Variants in IRAG1 observed in about 807,000 individuals in gnomAD.
IRAG1 encodes inositol 1,4,5-triphosphate receptor associated 1.
IRAG1 carries 62 observed loss-of-function variants against 106.2 expected under a neutral mutation model. The ratio of observed to expected loss-of-function variants is 0.58; its 90% confidence interval spans 0.48 to 0.72. The LOEUF is 0.72. IRAG1 is among the 30% of genes least tolerant of loss of function. IRAG1 has a pLI of 0.00. For missense variants in IRAG1, 1,064 were observed against 1,140.7 expected, an observed-to-expected ratio of 0.93 and a Z score of 0.97; for synonymous variants, 462 against 443.9, an observed-to-expected ratio of 1.04 and a Z score of -0.51.
chr11:10,691,188 C>T (rs112636343), intron 1 of IRAG1, among the ~76,000 whole-genome samples: 54 of 152,260 alleles, frequency 3.5e-4, no homozygotes, highest in African/African-American at 1.2e-3. Flanking sequence ...AACCCAGGGC[C>T]CTGTGTAACC....
intron 1 of IRAG1, among the ~76,000 whole-genome samples, chr11:10,685,561 C>T (rs574435072): frequency 3.3e-5 from 5 of 150,580 alleles, no homozygotes; most frequent in African/African-American, 5.0e-5. Context: ...AACAAAAAAA[C>T]GTTTAAAACA....
chr11:10,667,959 T>G (rs1859913590), intron 1 of IRAG1, among the ~76,000 whole-genome samples: 1 of 152,206 alleles, frequency 6.6e-6, no homozygotes, highest in Non-Finnish European at 1.5e-5. Context: ...CTTTCTGCTC[T>G]GAGACTGCCA....
At chr11:10,623,963 G>C in intron 9 of IRAG1, 107 bp from the exon 10 acceptor site, 1 of 1,030,116 alleles carries the variant, frequency 9.7e-7, no homozygotes. Flanking sequence ...GTGGGAAAGC[G>C]GGGCAGCCTG....
intron 10 of IRAG1, 81 bp downstream of exon 10, chr11:10,623,696 TG>T: frequency 7.9e-7 from 1 of 1,269,464 alleles, no homozygotes; most frequent in South Asian, 1.2e-5. Flanking sequence ...CAGGAAGTCT[TG>T]TGTTTACACA....
chr11:10,631,895 C>T (rs77974559), intron 4 of IRAG1, 96 bp downstream of exon 4: 50 of 954,670 alleles, frequency 5.2e-5, no homozygotes, highest in Non-Finnish European at 6.9e-5. Flanking sequence ...CGGGAGGGAG[C>T]GCCTTAAAGA....
At chr11:10,648,717 TG>T (rs2134854590) in intron 2 of IRAG1, among the ~76,000 whole-genome samples, 1 of 152,258 alleles carries the variant, frequency 6.6e-6, no homozygotes, top group Admixed American at 6.5e-5. Context: ...AGTGCATTGT[TG>T]GGGGGCTTTT....
intron 11 of IRAG1, among the ~76,000 whole-genome samples, chr11:10,607,046 T>C (rs1052185949): frequency 7.2e-5 from 11 of 152,204 alleles, no homozygotes; most frequent in Non-Finnish European, 1.6e-4. Context: ...ATCACCTACC[T>C]TGCAGAGGTA....
chr11:10,687,591 G>T, intron 1 of IRAG1: 2 of 1,054,980 alleles, frequency 1.9e-6, no homozygotes, highest in South Asian at 1.7e-5. Context: ...AAGCCTTAAA[G>T]CTTCAGTGAA....
At chr11:10,688,230 G>A (rs1861808573) in intron 1 of IRAG1, among the ~76,000 whole-genome samples, 1 of 152,128 alleles carries the variant, frequency 6.6e-6, no homozygotes, top group Admixed American at 6.5e-5. Flanking sequence ...CTGGTCAGTG[G>A]TGGAGCCACA....
rs192419420 is a variant in IRAG1, at chr11:10,676,254, C to T, written c.67+17282G>A. On this transcript the variant is annotated intron_variant, in intron 1 of 20. Transcript: ENST00000423302. ...GTCTACACCTTGGTTTCTCCCTGTG[C>T]GGTGGGAGCTAACGGTTTCTCCGTC... 4.6e-5 allele frequency among the ~76,000 whole-genome samples: 7 copies of T among 152,286 alleles called. No homozygotes were observed. The East Asian group carries it at 7.7e-4, about 17-fold the overall frequency.
intron 10 of IRAG1, among the ~76,000 whole-genome samples, chr11:10,619,880 C>T (rs987884623): frequency 6.6e-6 from 1 of 152,126 alleles, no homozygotes; most frequent in Non-Finnish European, 1.5e-5. Flanking sequence ...GGACACTGAC[C>T]ATGGTTAATT....
chr11:10,625,876 C>A, intron 9 of IRAG1, 90 bp downstream of exon 9: 1 of 1,267,548 alleles, frequency 7.9e-7, no homozygotes, highest in Non-Finnish European at 1.0e-6. Flanking sequence ...CAGAGCTGCC[C>A]TGGCCAGGGG....
chr11:10,591,511 A>G (rs1249290390), intron 18 of IRAG1, 37 bp downstream of exon 18: 1 of 1,546,604 alleles, frequency 6.5e-7, no homozygotes, highest in Non-Finnish European at 8.8e-7. Context: ...ATTTCCTGAG[A>G]GATCCCTGAA....
Position 10,657,284 on chromosome 11 carries a change from C to T in IRAG1, c.68-5102G>A, listed in dbSNP as rs1204166916. ...GGCCCAGAGACTTGCCCAATGTCATCGCTCATGAATGGCAGTGCTGGGAAT... is the reference window on the plus strand; with the variant it reads ...GGCCCAGAGACTTGCCCAATGTCATTGCTCATGAATGGCAGTGCTGGGAAT... On this transcript the variant is annotated intron_variant, in intron 1 of 20. Transcript: ENST00000423302. This position sits in a 1 kb window ranked among gnomAD's most constrained non-coding sequence, Gnocchi z 4.1. 1.3e-5 allele frequency among the ~76,000 whole-genome samples: 2 copies of T among 152,140 alleles called. No individual in the cohort carries two copies. Among genetic ancestry groups the T allele is most frequent in the Non-Finnish European group, 2.9e-5 (2 of 68,024 alleles).
chr11:10,680,368 A>AAAAG (rs1861089430), intron 1 of IRAG1, among the ~76,000 whole-genome samples: 1 of 80,918 alleles, frequency 1.2e-5, no homozygotes, highest in Admixed American at 1.3e-4. Context: ...AAAGAAAGAA[A>AAAAG]GAAGGAAGGA....
intron 15 of IRAG1, among the ~76,000 whole-genome samples, 194 bp downstream of exon 15, chr11:10,600,724 T>G (rs1022167693): frequency 6.6e-6 from 1 of 152,200 alleles, no homozygotes; most frequent in Non-Finnish European, 1.5e-5. Context: ...GAAAGGCTCA[T>G]GTTTCCTGGT....
chr11:10,627,223 T>A (rs1274392487), intron 8 of IRAG1, among the ~76,000 whole-genome samples: 1 of 152,134 alleles, frequency 6.6e-6, no homozygotes, highest in East Asian at 1.9e-4. Context: ...GAGGACTGTA[T>A]CCCAGACCCA....
In IRAG1 at chr11:10,627,734, T is replaced by C; in HGVS notation, c.732A>G (p.Ser244=). 1.2e-6 allele frequency: 2 copies of C among 1,613,770 alleles called. No homozygotes were observed. The highest frequency in any genetic ancestry group is 8.5e-7 in the Non-Finnish European group (1 of 1,179,854). Residue 244 remains serine, a synonymous_variant, in exon 8 of 21, where the codon TCA becomes TCG. Coordinates refer to ENST00000423302, the MANE Select transcript of IRAG1 (RefSeq NM_130385.4). ...PQKGDEADVS[S]PHPGEPNVPK... is the part of the protein sequence containing the mutation. ...AACTCACAGGCTCGCCAGGGTGAGG[T>C]GAAGAGACGTCGGCCTCATCCCCCT... is the stretch of plus-strand genomic sequence containing the variant.
chr11:10,654,385 G>A (rs751221717), intron 1 of IRAG1, among the ~76,000 whole-genome samples: 5 of 152,218 alleles, frequency 3.3e-5, no homozygotes, highest in Admixed American at 6.5e-5. Context: ...CCCCAGGATT[G>A]GTCAAGGTGA....
Sources: allele counts gnomAD v4.1 joint callset (sites outside exome capture counted in the v4.1 genomes callset), GRCh38; gene constraint gnomAD v4.1.1; non-coding constraint Gnocchi (gnomAD v3.1); transcripts MANE v1.5; gene names NCBI Gene and HGNC (gene_info 2026-07-23, HGNC 2026-07-21).